The following CCDC24 variants were observed in gnomAD, a reference collection of about 807,000 sequenced individuals.
CCDC24 encodes the protein coiled-coil domain containing 24.
Under a neutral mutation model 31.6 loss-of-function variants are expected in CCDC24, and 34 were observed. The observed-to-expected ratio is 1.08, with a 90% CI of 0.82 to 1.43. The LOEUF (loss-of-function observed/expected upper bound fraction) is 1.43. Among genes scored for constraint, CCDC24 ranks in the 40% most tolerant of loss-of-function variants. CCDC24 has a pLI of 0.00. For missense variants in CCDC24, 426 were observed against 391.1 expected (o/e 1.09, Z -0.75); for synonymous variants, 175 against 157.3 (o/e 1.11, Z -0.84).
chr1:43,993,993 T>TACAC, intron 5 of CCDC24, 29 bp downstream of exon 5: 4 of 1,575,832 alleles, frequency 2.5e-6, no homozygotes, highest in Non-Finnish European at 3.5e-6. Flanking sequence ...TGCATGTGTA[T>TACAC]AGGCAGGGGT....
intron 2 of CCDC24, 80 bp downstream of exon 2, chr1:43,992,084 C>T: frequency 1.3e-6 from 2 of 1,499,436 alleles, no homozygotes; most frequent in Middle Eastern, 2.5e-4. Context: ...GTCCCTGGCC[C>T]TGCCGGGTAA....
intron 5 of CCDC24, 139 bp from the exon 6 acceptor site, chr1:43,994,969 C>T: frequency 2.8e-6 from 2 of 710,960 alleles, no homozygotes; most frequent in Non-Finnish European, 4.9e-6. Flanking sequence ...AGCCCCCAAG[C>T]AGCAGAGGGC....
rs980060834 is a variant in CCDC24 at position 43,994,962 on chromosome 1, C to T, written c.498-146C>T. ...GGCCAGACGTCTATGCTGGGTCAGCCCCCAAGCAGCAGAGGGCAGTGTGGG... is the reference window on the plus strand; with the variant it reads ...GGCCAGACGTCTATGCTGGGTCAGCTCCCAAGCAGCAGAGGGCAGTGTGGG... On this transcript the variant is annotated intron_variant, in intron 5 of 8. Transcript: ENST00000372318. 5 of 689,982 alleles carry T rather than the reference C, an allele frequency of 7.2e-6. 1 individual carries two copies. Among genetic ancestry groups the T allele is most frequent in the Non-Finnish European group, 5.1e-6 (2 of 391,828 alleles). 42.7% of individuals were successfully genotyped at this position (689,982 alleles called of 1,614,324 possible).
In CCDC24 at chr1:43,995,371, G is replaced by A. The variant is rs1345136045; in HGVS notation, c.552+209G>A. ...TGAGCCCTTAAGGCCAGGGCCAACC[G>A]TTTTAGGTCTTTTGCCTCCTTCCTT... On this transcript the variant is annotated intron_variant, in intron 6 of 8. Transcript: ENST00000372318. This position sits in a 1 kb window ranked among gnomAD's most constrained non-coding sequence, Gnocchi z 4.3. The A allele has an allele frequency of 1.3e-5, 9 of 707,050 alleles. No individual in the cohort carries two copies. The East Asian group carries it at 1.4e-4, about 11-fold the overall frequency. 43.8% of individuals were successfully genotyped at this position (707,050 alleles called of 1,614,324 possible).
Position 43,996,199 on chromosome 1 carries a change from C to T in CCDC24, c.*39C>T, listed in dbSNP as rs752875006. The T allele has an allele frequency of 1.5e-5, 22 of 1,476,536 alleles. No individual in the cohort carries two copies. Among genetic ancestry groups the T allele is most frequent in the Admixed American group, 2.4e-5 (1 of 41,656 alleles). The allele number at this position is 1,476,536 out of a possible 1,614,324, so 91.5% of individuals were successfully genotyped here. A position where few individuals can be genotyped will look rare whatever the true frequency, so the allele number is the denominator to read the frequency against. ...GAGTAGGCTCTGGCTTCTGCCACAG[C>T]GCACCTGTCTGCCGCTGCCGCCTCA... On this transcript the variant is annotated 3_prime_UTR_variant, in exon 9 of 9. Coordinates refer to ENST00000372318, the MANE Select transcript of CCDC24 (RefSeq NM_152499.4).
chr1:43,994,116 T>C (rs2154303693), intron 5 of CCDC24, 152 bp downstream of exon 5: 1 of 689,458 alleles, frequency 1.5e-6, no homozygotes, highest in Non-Finnish European at 2.5e-6. Context: ...CTGGCTGCTA[T>C]AGAGCTAGTG....
chr1:43,995,343 A>G lies in CCDC24; in HGVS notation c.552+181A>G, dbSNP rs1423754490. On this transcript the variant is annotated intron_variant, in intron 6 of 8. Transcript: ENST00000372318. This position sits in a 1 kb window ranked among gnomAD's most constrained non-coding sequence, Gnocchi z 4.3. ...CAAAATCCTGGAGGCCCAGGATTCT[A>G]GTTGAGCCCTTAAGGCCAGGGCCAA... The G allele has an allele frequency of 1.3e-6, 1 of 757,584 alleles. No homozygotes were observed. Among genetic ancestry groups the G allele is most frequent in the Non-Finnish European group, 2.1e-6 (1 of 471,134 alleles). The allele number at this position is 757,584 out of a possible 1,614,324, so 46.9% of individuals were successfully genotyped here.
chr1:43,995,785 G>A lies in CCDC24; in HGVS notation c.630G>A (p.Lys210=), dbSNP rs770987025. 2 of 1,614,228 alleles carry A rather than the reference G, an allele frequency of 1.2e-6. No homozygotes were observed. Among genetic ancestry groups the A allele is most frequent in the Admixed American group, 1.7e-5 (1 of 60,028 alleles). The change falls in exon 8 of 9, where the codon AAG becomes AAA. Residue 210 remains lysine (K), a synonymous_variant. Coordinates refer to ENST00000372318, the MANE Select transcript of CCDC24 (RefSeq NM_152499.4). This position sits in a 1 kb window ranked among gnomAD's most constrained non-coding sequence, Gnocchi z 4.3. ...GCCCAATCTCTCCTTCAGAGCTAAA[G>A]GAACAGAAGAAGGCCATGGAGCAGG... The part of the protein sequence containing the change: ...AALEPTLAEL[K]EQKKAMEQEL...
chr1:43,992,330 G>T lies in CCDC24; in HGVS notation c.245G>T (p.Arg82Leu). 6.2e-7 allele frequency: 1 copy of T among 1,614,080 alleles called. No individual in the cohort carries two copies. Among genetic ancestry groups the T allele is most frequent in the Non-Finnish European group, 8.5e-7 (1 of 1,180,012 alleles). ...CCGCCTCTCCTAAAGGACCTCTTGC[G>T]CCAGGAGCTCCGGCAGTTGCTCCAG... ...APPPLLKDLL[R>L]QELRQLLQGL... Residue 82 changes from arginine (R) to leucine (L), a missense_variant, in exon 3 of 9, where the codon CGC becomes CTC. Arg to Leu is a moderately radical substitution (Grantham distance 102). Transcript: ENST00000372318.
Position 43,995,558 on chromosome 1 carries a change from A to AC in CCDC24, c.553-39dup. The AC allele has an allele frequency of 6.5e-7, 1 of 1,542,906 alleles. No homozygotes were observed. On this transcript the variant is annotated intron_variant, in intron 6 of 8. Transcript: ENST00000372318. This position sits in a 1 kb window ranked among gnomAD's most constrained non-coding sequence, Gnocchi z 4.3. ...TGGCCTCTGTATCCTGCCTTGCCCC[A>AC]CCCCTGCCTTGAGTCTGGGCACTGA... is the stretch of plus-strand genomic sequence containing the variant.
chr1:43,992,722 C>A, intron 4 of CCDC24, 83 bp downstream of exon 4: 1 of 1,217,606 alleles, frequency 8.2e-7, no homozygotes, highest in South Asian at 1.2e-5. Context: ...TGGCTCCATG[C>A]AGGAGATTCC....
intron 4 of CCDC24, 191 bp from the exon 5 acceptor site, chr1:43,993,681 CTCAGAAGCGATAAGT>C: frequency 2.0e-6 from 1 of 509,416 alleles, no homozygotes; most frequent in Admixed American, 3.2e-5. Context: ...GAAACTAAAG[CTCAGAAGCGATAAGT>C]GATTTGCCTG....
rs2085753479 is a variant in CCDC24, at chr1:43,992,024, G to A, written c.126+20G>A. 6 of 1,487,202 alleles carry A rather than the reference G, an allele frequency of 4.0e-6. No homozygotes were observed. The highest frequency in any genetic ancestry group is 2.2e-5 in the Admixed American group (1 of 45,010). 92.1% of individuals were successfully genotyped at this position (1,487,202 alleles called of 1,614,324 possible). A position where few individuals can be genotyped will look rare whatever the true frequency, so the allele number is the denominator to read the frequency against. ...GCGGAGGTGGGGAGAGGGAAGGTGGGCCACGCCCCTGGCCTGCCCCACGAC... is the reference window on the plus strand; with the variant it reads ...GCGGAGGTGGGGAGAGGGAAGGTGGACCACGCCCCTGGCCTGCCCCACGAC... On this transcript the variant is annotated intron_variant, in intron 2 of 8. Coordinates refer to ENST00000372318, the MANE Select transcript of CCDC24 (RefSeq NM_152499.4).
Position 43,995,892 on chromosome 1 carries a change from T to A in CCDC24, c.701+36T>A. ...ACAGTAGACACAGGGCAGGGTGGAC[T>A]GAAGGATCAGACCACCACCCCTCAC... is the stretch of plus-strand genomic sequence containing the variant. On this transcript the variant is annotated intron_variant, in intron 8 of 8. Coordinates refer to ENST00000372318, the MANE Select transcript of CCDC24 (RefSeq NM_152499.4). This position sits in a 1 kb window ranked among gnomAD's most constrained non-coding sequence, Gnocchi z 4.3. The A allele has an allele frequency of 6.2e-7, 1 of 1,614,058 alleles. No individual in the cohort carries two copies. Among genetic ancestry groups the A allele is most frequent in the Non-Finnish European group, 8.5e-7 (1 of 1,179,886 alleles).
chr1:43,992,200 C>T lies in CCDC24; in HGVS notation c.127-12C>T, dbSNP rs200469049. The T allele has an allele frequency of 1.5e-4, 242 of 1,607,386 alleles. 1 individual carries two copies. In the Middle Eastern group the frequency reaches 1.8e-3, roughly 12 times the overall value. Reference sequence around the variant, plus strand: ...CCTCCCCAGTCGCAAGGTATCCCAGCTCTCCTTGCAGGTGGCGATGTTACG... The same window carrying T: ...CCTCCCCAGTCGCAAGGTATCCCAGTTCTCCTTGCAGGTGGCGATGTTACG... On this transcript the variant is annotated splice_polypyrimidine_tract_variant and intron_variant, in intron 2 of 8. Transcript: ENST00000372318.
rs977725150 is a variant in CCDC24 at position 43,991,698 on chromosome 1, A to C, written c.-81A>C. ...GCAGAAGAGAGCGCCAAGGACTGGC[A>C]GTTCCGGAACGGGCAATCCCAGCCG... On this transcript the variant is annotated 5_prime_UTR_variant, in exon 1 of 9. Transcript: ENST00000372318. 2 of 815,110 alleles carry C rather than the reference A, an allele frequency of 2.5e-6. No individual in the cohort carries two copies. The highest frequency in any genetic ancestry group is 4.1e-6 in the Non-Finnish European group (2 of 488,326). The allele number at this position is 815,110 out of a possible 1,614,324, so 50.5% of individuals were successfully genotyped here.
rs2085749694 is a variant in CCDC24 at position 43,991,855 on chromosome 1, C to T, written c.-24C>T. On this transcript the variant is annotated 5_prime_UTR_variant, in exon 2 of 9. Transcript: ENST00000372318. Reference sequence around the variant, plus strand: ...TGACCTGCGGCCCGTAGGTCCGAGCCGGGGACGGCGGCGTCGGTGGGTCAT... The same window carrying T: ...TGACCTGCGGCCCGTAGGTCCGAGCTGGGGACGGCGGCGTCGGTGGGTCAT... 1.3e-6 allele frequency: 2 copies of T among 1,548,456 alleles called. No homozygotes were observed. The highest frequency in any genetic ancestry group is 4.9e-5 in the East Asian group (2 of 40,990).
At chr1:43,994,846 C>A in intron 5 of CCDC24, 2 of 529,016 alleles carry the variant, frequency 3.8e-6, no homozygotes, top group Non-Finnish European at 6.8e-6. Context: ...CAAGAAGAAT[C>A]ACAGTGCAGA....
At position 43,992,329 on chromosome 1, in the gene CCDC24, C is replaced by A. The variant is rs774390572; in HGVS notation, c.244C>A (p.Arg82Ser). Residue 82 changes from arginine to serine, a missense_variant, in exon 3 of 9, where the codon CGC (arginine) becomes AGC (serine). Coordinates refer to ENST00000372318, the MANE Select transcript of CCDC24 (RefSeq NM_152499.4). ...ACCGCCTCTCCTAAAGGACCTCTTGCGCCAGGAGCTCCGGCAGTTGCTCCA... is the reference window on the plus strand; with the variant it reads ...ACCGCCTCTCCTAAAGGACCTCTTGAGCCAGGAGCTCCGGCAGTTGCTCCA... Reference protein sequence around the residue: ...APPPLLKDLLRQELRQLLQGL... With the variant: ...APPPLLKDLLSQELRQLLQGL... 3 of 1,614,182 alleles carry A rather than the reference C, an allele frequency of 1.9e-6. No homozygotes were observed. The highest frequency in any genetic ancestry group is 1.1e-5 in the South Asian group (1 of 91,078).
Sources: gnomAD v4.1 joint callset for allele counts on GRCh38, gnomAD v4.1.1 for gene constraint, Gnocchi (gnomAD v3.1) non-coding constraint, MANE v1.5 for transcripts, NCBI Gene and HGNC (gene_info 2026-07-23, HGNC 2026-07-21) for gene names.